CAMKMT: variants seen among roughly 807,000 people sequenced by gnomAD.
The protein encoded by CAMKMT is CaM KMT.
Under a neutral mutation model 48.0 loss-of-function variants are expected in CAMKMT, and 53 were observed. The ratio of observed to expected loss-of-function variants is 1.10; its 90% confidence interval spans 0.89 to 1.39. The LOEUF is 1.39. Ranked by LOEUF, CAMKMT falls within the 40% of genes most tolerant of loss-of-function variation. CAMKMT has a pLI of 0.00. For missense variants in CAMKMT, 428 were observed against 402.7 expected (o/e 1.06, Z -0.54); for synonymous variants, 165 against 152.3 (o/e 1.08, Z -0.61).
intron 3 of CAMKMT, among the ~76,000 whole-genome samples, chr2:44,610,941 C>T (rs368302780): frequency 1.6e-4 from 25 of 152,220 alleles, no homozygotes; most frequent in African/African-American, 5.8e-4. Flanking sequence ...AAGCTATAGA[C>T]ATTTAACAAA....
chr2:44,711,782 C>A (rs1242788675), intron 6 of CAMKMT, among the ~76,000 whole-genome samples: 1 of 152,206 alleles, frequency 6.6e-6, no homozygotes, highest in Non-Finnish European at 1.5e-5. Context: ...AGGCCCATCA[C>A]ACGTGATACT....
intron 3 of CAMKMT, among the ~76,000 whole-genome samples, chr2:44,395,558 A>G (rs931255024): frequency 6.6e-6 from 1 of 152,172 alleles, no homozygotes; most frequent in Non-Finnish European, 1.5e-5. Context: ...TGGAAGGTAC[A>G]TGGGATATGA....
At chr2:44,693,357 C>G (rs542815946) in intron 3 of CAMKMT, among the ~76,000 whole-genome samples, 3 of 152,346 alleles carry the variant, frequency 2.0e-5, no homozygotes, top group African/African-American at 7.2e-5. Context: ...CACCCCTCCT[C>G]CAGTCTTATC....
intron 3 of CAMKMT, among the ~76,000 whole-genome samples, chr2:44,593,398 G>T (rs1241389339): frequency 6.6e-6 from 1 of 152,018 alleles, no homozygotes; most frequent in Non-Finnish European, 1.5e-5. Flanking sequence ...AGATATGCTG[G>T]GTTCTAACTC....
At chr2:44,682,346 CT>C (rs1211230405) in intron 3 of CAMKMT, among the ~76,000 whole-genome samples, 1 of 152,184 alleles carries the variant, frequency 6.6e-6, no homozygotes, top group Non-Finnish European at 1.5e-5. Flanking sequence ...AGTGCTCCTA[CT>C]TTCTTTTTCC....
rs148644378 is a variant in CAMKMT, at chr2:44,500,538, G to T, written c.376+110233G>T. On this transcript the variant is annotated intron_variant, in intron 3 of 10. Coordinates refer to ENST00000378494, the MANE Select transcript of CAMKMT (RefSeq NM_024766.5). ...GTTTTTAAATAAGATAATGTAAAGA[G>T]AATTTATATATTTATGTTGATTAGA... 4.1e-3 allele frequency among the ~76,000 whole-genome samples: 616 copies of T among 152,014 alleles called. 2 individuals carry two copies. The highest frequency in any genetic ancestry group is 0.028 in the Middle Eastern group (8 of 290).
intron 3 of CAMKMT, among the ~76,000 whole-genome samples, chr2:44,652,018 A>G (rs559714065): frequency 8.5e-4 from 129 of 152,370 alleles, no homozygotes; most frequent in African/African-American, 3.0e-3. Flanking sequence ...TGTGCATTAT[A>G]TGATTAATGG....
chr2:44,570,736 C>G (rs918334307), intron 3 of CAMKMT, among the ~76,000 whole-genome samples: 31 of 151,980 alleles, frequency 2.0e-4, no homozygotes, highest in African/African-American at 7.2e-4. Flanking sequence ...AGATGAAAAG[C>G]AAACGAATAA....
intron 5 of CAMKMT, 49 bp downstream of exon 5, chr2:44,706,390 A>G: frequency 1.9e-6 from 3 of 1,585,290 alleles, no homozygotes; most frequent in Non-Finnish European, 2.6e-6. Context: ...GAACAAAAGG[A>G]AAAATGTTCC....
chr2:44,396,705 T>C (rs940224490), intron 3 of CAMKMT, among the ~76,000 whole-genome samples: 1 of 150,962 alleles, frequency 6.6e-6, no homozygotes, highest in African/African-American at 2.4e-5. Context: ...TTCATAATTT[T>C]AAATATCCAT....
At chr2:44,627,426 C>T (rs1384435701) in intron 3 of CAMKMT, among the ~76,000 whole-genome samples, 1 of 152,030 alleles carries the variant, frequency 6.6e-6, no homozygotes. Context: ...GTTCTTCCTT[C>T]TTATGTTTTC....
chr2:44,498,401 G>A (rs1019461016), intron 3 of CAMKMT, among the ~76,000 whole-genome samples: 2 of 152,120 alleles, frequency 1.3e-5, no homozygotes, highest in African/African-American at 4.8e-5. Context: ...CAGAGTAGGT[G>A]GACTAATCCT....
At chr2:44,453,318 A>G (rs2104596402) in intron 3 of CAMKMT, among the ~76,000 whole-genome samples, 2 of 152,190 alleles carry the variant, frequency 1.3e-5, no homozygotes, top group Middle Eastern at 3.4e-3. Flanking sequence ...ATAAATGGAA[A>G]ATATCTATTA....
chr2:44,563,498 A>T (rs1371965000), intron 3 of CAMKMT, among the ~76,000 whole-genome samples: 1 of 150,900 alleles, frequency 6.6e-6, no homozygotes, highest in Non-Finnish European at 1.5e-5. Context: ...CCATACTTTA[A>T]GTTCTAGGGT....
intron 3 of CAMKMT, among the ~76,000 whole-genome samples, chr2:44,496,837 T>C (rs550955307): frequency 6.6e-6 from 1 of 152,328 alleles, no homozygotes; most frequent in East Asian, 1.9e-4. Context: ...TATGTAGGCA[T>C]CTGGGGACTC....
intron 3 of CAMKMT, among the ~76,000 whole-genome samples, chr2:44,411,017 A>G (rs563648459): frequency 6.6e-6 from 1 of 152,308 alleles, no homozygotes; most frequent in African/African-American, 2.4e-5. Flanking sequence ...AGGAAATGTA[A>G]TCTTTTGAAT....
rs114595283 is a variant in CAMKMT at position 44,456,810 on chromosome 2, C to T, written c.376+66505C>T. ...TCAGCTATCCTATTTTCCTATTTTA[C>T]GATTTCTCCTTCTCCAGCCCAATTA... On this transcript the variant is annotated intron_variant, in intron 3 of 10. Coordinates refer to ENST00000378494, the MANE Select transcript of CAMKMT (RefSeq NM_024766.5). 1,047 of 505,988 alleles carry T rather than the reference C, an allele frequency of 2.1e-3. 7 individuals are homozygous for T. The highest frequency in any genetic ancestry group is 0.017 in the African/African-American group (847 of 51,140). 31.3% of individuals were successfully genotyped at this position (505,988 alleles called of 1,614,324 possible).
chr2:44,643,354 T>C (rs1673554171), intron 3 of CAMKMT, among the ~76,000 whole-genome samples: 1 of 152,120 alleles, frequency 6.6e-6, no homozygotes, highest in Non-Finnish European at 1.5e-5. Context: ...ACAAATAACA[T>C]GAAAAGATAC....
At chr2:44,389,125 T>A (rs890709682) in intron 2 of CAMKMT, among the ~76,000 whole-genome samples, 1 of 152,132 alleles carries the variant, frequency 6.6e-6, no homozygotes, top group South Asian at 2.1e-4. Context: ...AGGACCATCA[T>A]GTAGGGGCAG....
Sources: allele counts gnomAD v4.1 joint callset (sites outside exome capture counted in the v4.1 genomes callset), GRCh38; gene constraint gnomAD v4.1.1; transcripts MANE v1.5; gene names NCBI Gene and HGNC (gene_info 2026-07-23, HGNC 2026-07-21).